The following ARMH3 variants were observed in gnomAD, a reference collection of about 807,000 sequenced individuals.
The protein encoded by ARMH3 is armadillo like helical domain containing 3.
Under a neutral mutation model 99.1 loss-of-function variants are expected in ARMH3, and 60 were observed. The ratio of observed to expected loss-of-function variants is 0.61; its 90% CI spans 0.49 to 0.75. The LOEUF (loss-of-function observed/expected upper bound fraction) is 0.75. Ranked by LOEUF, ARMH3 falls within the 30% of genes least tolerant of loss-of-function variation. The pLI is 0.00. For synonymous variants in ARMH3, 285 were observed against 292.8 expected (o/e 0.97, Z 0.27); for missense variants, 679 against 843.1 (o/e 0.81, Z 2.41).
At chr10:101,967,972 C>A (rs2135881604) in intron 20 of ARMH3, among the ~76,000 whole-genome samples, 1 of 152,158 alleles carries the variant, frequency 6.6e-6, no homozygotes, top group Non-Finnish European at 1.5e-5. Context: ...AGAAATAGAA[C>A]AAATCCTTTC....
At chr10:101,959,665 A>C (rs1845191261) in intron 20 of ARMH3, among the ~76,000 whole-genome samples, 1 of 152,204 alleles carries the variant, frequency 6.6e-6, no homozygotes. Context: ...CCAGGATGAC[A>C]AAGTGAGAAA....
intron 24 of ARMH3, among the ~76,000 whole-genome samples, chr10:101,861,507 C>T (rs1015659560): frequency 3.3e-5 from 5 of 150,920 alleles, no homozygotes; most frequent in African/African-American, 9.7e-5. Flanking sequence ...CTGAGGCGGA[C>T]GGATCACGAG....
intron 22 of ARMH3, among the ~76,000 whole-genome samples, chr10:101,944,273 T>TATAG (rs1844401380): frequency 7.1e-4 from 18 of 25,404 alleles, no homozygotes; most frequent in Admixed American, 1.1e-3. Context: ...TATATATATA[T>TATAG]AGAGAGAGAG....
intron 19 of ARMH3, among the ~76,000 whole-genome samples, chr10:101,976,145 G>T (rs1278078688): frequency 7.1e-6 from 1 of 140,342 alleles, no homozygotes; most frequent in Non-Finnish European, 1.6e-5. Context: ...CTCCAGCCTG[G>T]GTGACAGAGT....
chr10:101,937,845 A>G (rs1356399487), intron 23 of ARMH3, among the ~76,000 whole-genome samples: 2 of 152,104 alleles, frequency 1.3e-5, no homozygotes, highest in African/African-American at 4.8e-5. Context: ...ACTTCTTTCC[A>G]ATAATCTCTT....
intron 2 of ARMH3, among the ~76,000 whole-genome samples, chr10:102,039,151 T>A (rs922781244): frequency 2.3e-5 from 3 of 131,956 alleles, no homozygotes; most frequent in Non-Finnish European, 5.1e-5. Context: ...TGATAGTGTA[T>A]TTTTTTTTTT....
At chr10:101,957,603 C>T in intron 21 of ARMH3, 47 bp downstream of exon 21, 1 of 1,559,462 alleles carries the variant, frequency 6.4e-7, no homozygotes, top group Non-Finnish European at 8.7e-7. Context: ...TGCATTTCTG[C>T]CTTAGCATAT....
intron 23 of ARMH3, among the ~76,000 whole-genome samples, chr10:101,911,366 C>T (rs1261066579): frequency 6.6e-6 from 1 of 152,112 alleles, no homozygotes; most frequent in Non-Finnish European, 1.5e-5. Flanking sequence ...AGGTCTGGAG[C>T]AGGAAGTGTA....
In ARMH3 at chr10:101,982,377, C is replaced by A. The variant is rs115480324; in HGVS notation, c.1407-7077G>T. On this transcript the variant is annotated intron_variant, in intron 19 of 25. Coordinates refer to ENST00000370033, the MANE Select transcript of ARMH3 (RefSeq NM_024541.3). ...CTCCAGCCTAGATGCCAGAGTAAGA[C>A]TGTCTCAAAAAAAGAAAAAAACATG... 9.3e-3 allele frequency among the ~76,000 whole-genome samples: 1,419 copies of A among 152,134 alleles called. 17 individuals carry two copies. Among genetic ancestry groups the A allele is most frequent in the African/African-American group, 0.032 (1,348 of 41,492 alleles).
intron 25 of ARMH3, 84 bp downstream of exon 25, chr10:101,849,692 T>C (rs2066541881): frequency 8.7e-7 from 1 of 1,152,646 alleles, no homozygotes; most frequent in Non-Finnish European, 1.3e-6. Context: ...TTGTTTTATC[T>C]GCAGATAAAC....
At chr10:101,945,954 G>C (rs1198240755) in intron 22 of ARMH3, among the ~76,000 whole-genome samples, 1 of 150,472 alleles carries the variant, frequency 6.6e-6, no homozygotes, top group East Asian at 2.0e-4. Flanking sequence ...ATGGTGGCAG[G>C]CACTTGTAAT....
Position 101,955,535 on chromosome 10 carries a change from T to A in ARMH3, c.1705+1062A>T, listed in dbSNP as rs538386780. 2.0e-4 allele frequency among the ~76,000 whole-genome samples: 30 copies of A among 152,200 alleles called. No homozygotes were observed. In the South Asian group the frequency reaches 6.2e-3, roughly 32 times the overall value. On this transcript the variant is annotated intron_variant, in intron 22 of 25. Transcript: ENST00000370033. ...AAATAAAGTATACTAGAAAAAAAAA[T>A]ATTTTCCTCCCAGGCAATCCTTCTT...
At chr10:102,028,485 CCAAATACCTAT>C (rs1172082959) in intron 5 of ARMH3, among the ~76,000 whole-genome samples, 8 of 152,066 alleles carry the variant, frequency 5.3e-5, no homozygotes, top group Non-Finnish European at 1.0e-4. Context: ...TTGAAAGGAC[CCAAATACCTAT>C]CAACTGAGGA....
intron 21 of ARMH3, 30 bp from the exon 22 acceptor site, chr10:101,956,753 G>T (rs965279251): frequency 6.2e-7 from 1 of 1,606,764 alleles, no homozygotes; most frequent in Non-Finnish European, 8.5e-7. Flanking sequence ...CCATATATAG[G>T]CATCAGGCTA....
At chr10:101,981,168 T>G (rs1263684380) in intron 19 of ARMH3, among the ~76,000 whole-genome samples, 1 of 151,856 alleles carries the variant, frequency 6.6e-6, no homozygotes. Flanking sequence ...CGTTTTTTTG[T>G]TTTTTTAAGA....
At chr10:101,885,694 A>C (rs963184068) in intron 24 of ARMH3, among the ~76,000 whole-genome samples, 1 of 152,200 alleles carries the variant, frequency 6.6e-6, no homozygotes, top group Admixed American at 6.5e-5. Flanking sequence ...CCTGGAGAGA[A>C]GGAGAGCAGA....
At chr10:102,015,205 G>T (rs994630747) in intron 8 of ARMH3, among the ~76,000 whole-genome samples, 2 of 152,076 alleles carry the variant, frequency 1.3e-5, no homozygotes, top group Non-Finnish European at 2.9e-5. Context: ...GTCAAATTCT[G>T]CTGATTCTAC....
chr10:101,865,661 A>G (rs566133827), intron 24 of ARMH3, among the ~76,000 whole-genome samples: 6 of 151,874 alleles, frequency 4.0e-5, no homozygotes, highest in African/African-American at 1.4e-4. Context: ...GCTAATTTTC[A>G]TATTTTTTGT....
chr10:102,033,215 A>G (rs367955901), intron 3 of ARMH3, 43 bp from the exon 4 acceptor site: 3 of 1,613,698 alleles, frequency 1.9e-6, no homozygotes, highest in African/African-American at 1.3e-5. Context: ...TTTTTAGCTT[A>G]GCGCCTAGAA....
Sources: allele counts gnomAD v4.1 joint callset (sites outside exome capture counted in the v4.1 genomes callset), GRCh38; gene constraint gnomAD v4.1.1; transcripts MANE v1.5; gene names NCBI Gene and HGNC (gene_info 2026-07-23, HGNC 2026-07-21).